Variants in BMPR1B observed in about 807,000 individuals in gnomAD.
BMPR1B encodes the protein bone morphogenetic protein receptor type-1B.
BMPR1B carries 12 observed loss-of-function variants against 59.1 expected under a neutral mutation model. The ratio of observed to expected loss-of-function variants is 0.20; its 90% CI spans 0.13 to 0.33. The LOEUF is 0.33. Among genes scored for constraint, BMPR1B ranks in the 10% least tolerant of loss-of-function variants. The pLI, the probability that BMPR1B is intolerant of heterozygous loss-of-function variation, is 1.00. For synonymous variants in BMPR1B, 237 were observed against 207.3 expected (o/e 1.14, Z -1.23); for missense variants, 550 against 610.9 (o/e 0.90, Z 1.05).
intron 1 of BMPR1B, among the ~76,000 whole-genome samples, chr4:94,822,133 T>G (rs540635536): frequency 5.6e-4 from 85 of 152,356 alleles, no homozygotes; most frequent in Admixed American, 1.8e-3. Flanking sequence ...CTGTGTCATC[T>G]CATGGTGGAA....
chr4:95,059,340 A>G (rs73838011), intron 3 of BMPR1B, among the ~76,000 whole-genome samples: 6,287 of 152,222 alleles, frequency 0.041, 439 homozygotes, highest in African/African-American at 0.14. Flanking sequence ...GTGTTTTCAT[A>G]GGATTATTAC....
intron 1 of BMPR1B, among the ~76,000 whole-genome samples, chr4:94,845,340 ATTC>A (rs1403213916): frequency 1.7e-5 from 2 of 119,122 alleles, no homozygotes; most frequent in African/African-American, 7.7e-5. Flanking sequence ...AACCAAGGAA[ATTC>A]TTTTTTTTTT....
chr4:95,127,813 G>A (rs185792934), intron 8 of BMPR1B, among the ~76,000 whole-genome samples: 2,047 of 151,584 alleles, frequency 0.014, 22 homozygotes, highest in Admixed American at 0.027. Context: ...AATAAATTAC[G>A]AAATTTATAA....
intron 3 of BMPR1B, among the ~76,000 whole-genome samples, chr4:95,081,808 CT>C (rs1206548562): frequency 3.3e-5 from 5 of 152,126 alleles, no homozygotes; most frequent in African/African-American, 4.8e-5. Context: ...ACCAATTATT[CT>C]TAATATGTCA....
intron 1 of BMPR1B, among the ~76,000 whole-genome samples, chr4:94,801,157 T>C (rs1318482964): frequency 6.6e-6 from 1 of 152,204 alleles, no homozygotes; most frequent in Non-Finnish European, 1.5e-5. Flanking sequence ...CTTCCTGCCT[T>C]CTTGCCCTTT....
intron 11 of BMPR1B, 98 bp downstream of exon 11, chr4:95,149,021 C>A: frequency 6.7e-7 from 1 of 1,484,854 alleles, no homozygotes; most frequent in Non-Finnish European, 9.4e-7. Flanking sequence ...TCTATAAGAT[C>A]TGGTTTTATT....
chr4:94,971,775 GAA>G (rs980049451), intron 2 of BMPR1B, among the ~76,000 whole-genome samples: 5 of 151,766 alleles, frequency 3.3e-5, no homozygotes, highest in Non-Finnish European at 7.4e-5. Flanking sequence ...TTATGACCAT[GAA>G]ATTGGAAGTT....
intron 3 of BMPR1B, among the ~76,000 whole-genome samples, chr4:95,010,361 C>T (rs997498935): frequency 2.6e-5 from 4 of 152,108 alleles, no homozygotes; most frequent in Non-Finnish European, 4.4e-5. Context: ...TTGCTCACCC[C>T]GAAGTGACAC....
chr4:95,047,230 T>C (rs1726122557), intron 3 of BMPR1B, among the ~76,000 whole-genome samples: 1 of 152,222 alleles, frequency 6.6e-6, no homozygotes. Flanking sequence ...CTCCAAACTT[T>C]ATTCAGATTT....
Position 95,129,892 on chromosome 4 carries a change from A to T in BMPR1B, c.616A>T (p.Met206Leu), listed in dbSNP as rs1344379581. 22 of 1,613,674 alleles carry T rather than the reference A, an allele frequency of 1.4e-5. No homozygotes were observed. The highest frequency in any genetic ancestry group is 1.9e-5 in the Non-Finnish European group (22 of 1,179,764). The change falls in exon 9 of 13, where the codon ATG (methionine) becomes TTG (leucine). Residue 206 changes from methionine to leucine, a missense_variant. By Grantham distance (15) the Met-to-Leu change is conservative (BLOSUM62 2). Coordinates refer to ENST00000515059, the MANE Select transcript of BMPR1B (RefSeq NM_001203.3). ...AAGGACTATAGCTAAGCAGATTCAGATGGTGAAACAGATTGGAAAAGGTCG... is the reference window on the plus strand; with the variant it reads ...AAGGACTATAGCTAAGCAGATTCAGTTGGTGAAACAGATTGGAAAAGGTCG... ...VQRTIAKQIQ[M>L]VKQIGKGRYG...
At chr4:95,116,243 A>T (rs1369504120) in intron 6 of BMPR1B, among the ~76,000 whole-genome samples, 1 of 152,106 alleles carries the variant, frequency 6.6e-6, no homozygotes, top group Non-Finnish European at 1.5e-5. Context: ...GTCAAATCGT[A>T]TCAATATATT....
intron 3 of BMPR1B, among the ~76,000 whole-genome samples, chr4:95,098,793 T>C (rs1730611523): frequency 6.6e-6 from 1 of 152,144 alleles, no homozygotes; most frequent in Non-Finnish European, 1.5e-5. Flanking sequence ...CTGGGCTCAC[T>C]GCAAGCTCCA....
At chr4:94,895,511 AT>A (rs936048047) in intron 2 of BMPR1B, among the ~76,000 whole-genome samples, 1 of 151,910 alleles carries the variant, frequency 6.6e-6, no homozygotes, top group African/African-American at 2.4e-5. Flanking sequence ...TAAATTACAT[AT>A]TCAGGTTCTT....
chr4:95,040,094 A>T (rs1352757562), intron 3 of BMPR1B, among the ~76,000 whole-genome samples: 2 of 152,142 alleles, frequency 1.3e-5, no homozygotes, highest in Non-Finnish European at 2.9e-5. Context: ...AGCACTGTTG[A>T]GGTTTCTATG....
rs377353488 is a variant in BMPR1B, at chr4:94,836,602, A to G, written c.-182-39229A>G. 2.4e-3 allele frequency among the ~76,000 whole-genome samples: 319 copies of G among 132,296 alleles called. 1 individual carries two copies. Among genetic ancestry groups the G allele is most frequent in the South Asian group, 4.0e-3 (16 of 4,016 alleles). 86.8% of individuals were successfully genotyped at this position (132,296 alleles called of 152,430 possible). ...TATCCTTTGCCCACTTTTTGATGGG[A>G]TTGTTTGTTTTTTTCTTGTAAATTT... On this transcript the variant is annotated intron_variant, in intron 1 of 12. Transcript: ENST00000515059.
chr4:94,943,701 G>T (rs765846271), intron 2 of BMPR1B, among the ~76,000 whole-genome samples: 1 of 152,118 alleles, frequency 6.6e-6, no homozygotes, highest in Non-Finnish European at 1.5e-5. Flanking sequence ...CATGCTCTTC[G>T]TGTTAAAGAA....
intron 3 of BMPR1B, among the ~76,000 whole-genome samples, chr4:95,002,700 A>T (rs1722536949): frequency 1.3e-5 from 2 of 152,134 alleles, no homozygotes; most frequent in Non-Finnish European, 2.9e-5. Context: ...AGTGATCTTC[A>T]TGGTTCTCCA....
chr4:94,899,745 T>C (rs1727732804), intron 2 of BMPR1B, among the ~76,000 whole-genome samples: 1 of 151,952 alleles, frequency 6.6e-6, no homozygotes, highest in Non-Finnish European at 1.5e-5. Flanking sequence ...TTTGAGAAAA[T>C]TTATTATAGC....
rs376113170 is a variant in BMPR1B at position 94,775,438 on chromosome 4, A to C, written c.-183+17370A>C. On this transcript the variant is annotated intron_variant, in intron 1 of 12. Coordinates refer to ENST00000515059, the MANE Select transcript of BMPR1B (RefSeq NM_001203.3). ...ATTGAAATATAAGTGCCTAATTTCA[A>C]AAACGAAGCTCTTTAGCAACAAAGT... Among the ~76,000 whole-genome samples, 1,120 of 152,358 alleles carry C rather than the reference A, an allele frequency of 7.4e-3. 6 individuals are homozygous for C. The highest frequency in any genetic ancestry group is 0.025 in the African/African-American group (1,059 of 41,598).
Sources: gnomAD v4.1 joint callset for allele counts (sites outside exome capture counted in the v4.1 genomes callset) on GRCh38, gnomAD v4.1.1 for gene constraint, MANE v1.5 for transcripts, NCBI Gene and HGNC (gene_info 2026-07-23, HGNC 2026-07-21) for gene names.